Variants in TRIM37 observed in about 807,000 individuals in gnomAD.
The protein encoded by TRIM37 is tripartite motif containing 37.
TRIM37 carries 80 observed loss-of-function variants against 129.8 expected under a neutral mutation model. The observed-to-expected ratio is 0.62, with a 90% confidence interval of 0.51 to 0.74. The LOEUF is 0.74. Among genes scored for constraint, TRIM37 ranks in the 30% least tolerant of loss-of-function variants. TRIM37 has a pLI of 0.00. For missense variants in TRIM37, 1,054 were observed against 1,176.5 expected (o/e 0.90, Z 1.52); for synonymous variants, 389 against 387.1 (o/e 1.00, Z -0.06).
intron 24 of TRIM37, among the ~76,000 whole-genome samples, chr17:58,992,475 G>A (rs2032547865): frequency 6.6e-6 from 1 of 151,764 alleles, no homozygotes; most frequent in African/African-American, 2.4e-5. Context: ...CCACCTCCCG[G>A]GTTCAAGTGA....
Position 59,062,737 on chromosome 17 carries a change from T to G in TRIM37, c.861-89A>C, listed in dbSNP as rs895874604. On this transcript the variant is annotated intron_variant, in intron 10 of 23. Transcript: ENST00000262294. The stretch of plus-strand genomic sequence containing the variant: ...AAAGAAAGACCAACCAGTTTCTTTG[T>G]TACATACTTGAAATCCTAGACAAAT... 2.9e-6 allele frequency: 3 copies of G among 1,031,642 alleles called. No homozygotes were observed. In the Admixed American group the frequency reaches 5.5e-5, roughly 19 times the overall value. The allele number at this position is 1,031,642 out of a possible 1,614,324, so 63.9% of individuals were successfully genotyped here. A position where few individuals can be genotyped will look rare whatever the true frequency, so the allele number is the denominator to read the frequency against.
the TRIM37 span, among the ~76,000 whole-genome samples, chr17:58,967,519 T>TAGAG: frequency 2.0e-3 from 294 of 145,166 alleles, 1 homozygote; most frequent in African/African-American, 6.8e-3. Flanking sequence ...TATATATATA[T>TAGAG]AGAGAGAGAG....
At chr17:59,042,975 T>G (rs1228640106) in intron 16 of TRIM37, among the ~76,000 whole-genome samples, 1 of 152,104 alleles carries the variant, frequency 6.6e-6, no homozygotes, top group African/African-American at 2.4e-5. Flanking sequence ...ACTGGTAGCT[T>G]AATGGCAATA....
downstream of TRIM37, among the ~76,000 whole-genome samples, chr17:58,978,699 T>A (rs535435561): frequency 1.3e-5 from 2 of 151,856 alleles, no homozygotes; most frequent in African/African-American, 4.8e-5. Flanking sequence ...CGACAAAAAA[T>A]AAAAATAAAA....
chr17:58,989,281 C>T (rs997547780), intron 24 of TRIM37, among the ~76,000 whole-genome samples: 3 of 151,944 alleles, frequency 2.0e-5, no homozygotes, highest in Admixed American at 6.6e-5. Flanking sequence ...ACTAAAAATA[C>T]AAAAATCAGC....
intron 2 of TRIM37, among the ~76,000 whole-genome samples, chr17:59,096,277 C>T (rs1369476784): frequency 1.3e-5 from 2 of 151,694 alleles, no homozygotes; most frequent in Non-Finnish European, 2.9e-5. Flanking sequence ...ATCAGCCGGG[C>T]ACAGTGGCTC....
intron 7 of TRIM37, among the ~76,000 whole-genome samples, chr17:59,078,065 C>A (rs1249727665): frequency 7.2e-5 from 11 of 151,810 alleles, no homozygotes; most frequent in Non-Finnish European, 2.9e-5. Flanking sequence ...GCGGAGGGTG[C>A]AATGAGCCGA....
chr17:59,006,306 A>AAGAAAT (rs1258064009), intron 22 of TRIM37, among the ~76,000 whole-genome samples: 1 of 152,194 alleles, frequency 6.6e-6, no homozygotes, highest in African/African-American at 2.4e-5. Flanking sequence ...GTTAACGCAA[A>AAGAAAT]AGAAATCTGC....
chr17:59,020,230 CAAAAAAAAAAAAAAAAA>C (rs58159558), intron 19 of TRIM37, among the ~76,000 whole-genome samples: 12 of 32,056 alleles, frequency 3.7e-4, no homozygotes, highest in African/African-American at 1.4e-3. Flanking sequence ...GACTCTGTCT[CAAAAAAAAAAAAAAAAA>C]AAAAAAAAAA....
intron 8 of TRIM37, among the ~76,000 whole-genome samples, chr17:59,072,377 C>T (rs1341079053): frequency 7.2e-5 from 11 of 152,090 alleles, no homozygotes; most frequent in Non-Finnish European, 1.6e-4. Context: ...TTCATAAACC[C>T]ACCTACAGGT....
At chr17:59,099,325 C>A (rs1178538904) in intron 2 of TRIM37, among the ~76,000 whole-genome samples, 1 of 151,656 alleles carries the variant, frequency 6.6e-6, no homozygotes. Flanking sequence ...CATAGGTGTA[C>A]CATTTTTTAT....
intron 8 of TRIM37, among the ~76,000 whole-genome samples, chr17:59,074,332 T>C (rs930040754): frequency 1.3e-5 from 2 of 152,218 alleles, no homozygotes; most frequent in East Asian, 1.9e-4. Context: ...CCATTTTATA[T>C]AAGGGACTTG....
At chr17:59,038,978 G>A (rs553783365) in intron 17 of TRIM37, among the ~76,000 whole-genome samples, 3 of 152,240 alleles carry the variant, frequency 2.0e-5, no homozygotes, top group African/African-American at 7.2e-5. Context: ...ACTGATTTCA[G>A]TAACTTTCTC....
chr17:59,034,042 G>C (rs1357865903), intron 17 of TRIM37, among the ~76,000 whole-genome samples: 1 of 151,624 alleles, frequency 6.6e-6, no homozygotes, highest in Non-Finnish European at 1.5e-5. Context: ...GGGAGGCAGA[G>C]GTTACAGTGA....
chr17:59,088,351 T>C lies in TRIM37; in HGVS notation c.221A>G (p.Gln74Arg). The C allele has an allele frequency of 6.2e-7, 1 of 1,613,958 alleles. No individual in the cohort carries two copies. The highest frequency in any genetic ancestry group is 2.2e-5 in the East Asian group (1 of 44,866). ...VNCRWAEEVT[Q>R]QLDTLQLCSL... ...GCAGAGTTGAAGAGTATCAAGCTGT[T>C]GTGTTACTTCTTCTGCCCAACGACA... The change falls in exon 4 of 24, where the codon CAA (glutamine) becomes CGA (arginine). Residue 74 changes from glutamine (Q) to arginine (R), a missense_variant. By Grantham distance (43) the Gln-to-Arg change is conservative. This residue lies in a region of TRIM37 where 752 missense variants were observed against 870.8 expected (regional missense o/e 0.86). Coordinates refer to ENST00000262294, the MANE Select transcript of TRIM37 (RefSeq NM_015294.6).
chr17:59,078,556 C>T (rs1405389970), intron 7 of TRIM37, among the ~76,000 whole-genome samples: 2 of 152,034 alleles, frequency 1.3e-5, no homozygotes, highest in African/African-American at 4.8e-5. Flanking sequence ...GTCAAGATCC[C>T]CTCAATTTTA....
At chr17:59,034,518 C>A (rs2038243947) in intron 17 of TRIM37, among the ~76,000 whole-genome samples, 1 of 151,900 alleles carries the variant, frequency 6.6e-6, no homozygotes, top group Non-Finnish European at 1.5e-5. Context: ...CAGCACCATG[C>A]CTGGCTAATT....
the TRIM37 span, among the ~76,000 whole-genome samples, chr17:58,975,391 C>T: frequency 7.2e-5 from 11 of 152,162 alleles, no homozygotes. Flanking sequence ...GCAGCCAGCA[C>T]TGTGGAAGGC....
At chr17:59,066,669 A>G (rs540780233) in intron 9 of TRIM37, among the ~76,000 whole-genome samples, 4 of 152,326 alleles carry the variant, frequency 2.6e-5, no homozygotes, top group Admixed American at 1.3e-4. Context: ...GAAAACAGGT[A>G]CTGTGATATA....
Sources: allele counts gnomAD v4.1 joint callset (sites outside exome capture counted in the v4.1 genomes callset), GRCh38; gene constraint gnomAD v4.1.1; regional missense constraint gnomAD v4.1.1; transcripts MANE v1.5; gene names NCBI Gene and HGNC (gene_info 2026-07-23, HGNC 2026-07-21).